NTM: variants seen among roughly 807,000 people sequenced by gnomAD.
NTM encodes IgLON family member 2.
A neutral mutation model predicts 42.1 loss-of-function variants in NTM; 13 were observed. That is an observed-to-expected ratio of 0.31 (90% CI 0.20 to 0.49). NTM has a LOEUF of 0.49. Among genes scored for constraint, NTM ranks in the 20% least tolerant of loss-of-function variants. The pLI is 0.99. For missense variants in NTM, 373 were observed against 452.8 expected (o/e 0.82, Z 1.60); for synonymous variants, 187 against 179.2 (o/e 1.04, Z -0.35).
At chr11:132,110,260 C>T (rs574547857) in intron 2 of NTM, among the ~76,000 whole-genome samples, 42 of 152,340 alleles carry the variant, frequency 2.8e-4, no homozygotes, top group African/African-American at 1.0e-3. Context: ...ATTTGCTGAA[C>T]AAATGAATGA....
At chr11:131,972,065 T>TAAAAAAAAAAAAAAA (rs2063635787) in intron 2 of NTM, among the ~76,000 whole-genome samples, 1 of 57,954 alleles carries the variant, frequency 1.7e-5, no homozygotes, top group Non-Finnish European at 3.8e-5. Flanking sequence ...AAAAAAAAAT[T>TAAAAAAAAAAAAAAA]AGCCAGGTGT....
At chr11:131,934,959 A>G (rs2059049566) in intron 2 of NTM, among the ~76,000 whole-genome samples, 1 of 152,180 alleles carries the variant, frequency 6.6e-6, no homozygotes, top group Non-Finnish European at 1.5e-5. Context: ...TCTGGGTGAC[A>G]ACAGGACGCT....
chr11:131,439,218 C>T (rs1170884527), intron 1 of NTM, among the ~76,000 whole-genome samples: 2 of 152,156 alleles, frequency 1.3e-5, no homozygotes, highest in African/African-American at 2.4e-5. Flanking sequence ...AGGTGTCAGT[C>T]GGCCCCTACT....
chr11:131,780,360 TG>T (rs557341432), intron 1 of NTM, among the ~76,000 whole-genome samples: 240 of 152,232 alleles, frequency 1.6e-3, no homozygotes, highest in Admixed American at 0.013. Flanking sequence ...TGAGGGACAA[TG>T]GCTTATTTAA....
intron 2 of NTM, among the ~76,000 whole-genome samples, chr11:132,144,828 G>T (rs987863089): frequency 6.6e-6 from 1 of 152,166 alleles, no homozygotes; most frequent in African/African-American, 2.4e-5. Flanking sequence ...AAACTTGTTG[G>T]ACACCTGTGC....
intron 3 of NTM, among the ~76,000 whole-genome samples, chr11:132,154,388 C>T (rs2072690046): frequency 6.6e-6 from 1 of 152,180 alleles, no homozygotes; most frequent in Non-Finnish European, 1.5e-5. Flanking sequence ...TGGTTCTATG[C>T]TTCTTGCATG....
At chr11:131,442,985 T>C (rs891536449) in intron 1 of NTM, among the ~76,000 whole-genome samples, 8 of 152,140 alleles carry the variant, frequency 5.3e-5, no homozygotes, top group Non-Finnish European at 1.0e-4. Flanking sequence ...TCTTTTCCTT[T>C]GGTAGATGCC....
At chr11:131,910,659 C>T (rs2054675171) in intron 1 of NTM, among the ~76,000 whole-genome samples, 2 of 150,314 alleles carry the variant, frequency 1.3e-5, no homozygotes, top group African/African-American at 2.4e-5. Context: ...CGGGGGCGGC[C>T]GCTGAGCTTG....
At chr11:132,044,145 TGC>T (rs1311176927) in intron 2 of NTM, among the ~76,000 whole-genome samples, 55,172 of 129,004 alleles carry the variant, frequency 0.43, 12,925 homozygotes, top group East Asian at 0.76. Context: ...TGTGTGTATG[TGC>T]GTGTGTGTGT....
At chr11:132,130,409 C>G (rs2066607475) in intron 2 of NTM, among the ~76,000 whole-genome samples, 1 of 151,840 alleles carries the variant, frequency 6.6e-6, no homozygotes. Flanking sequence ...TTTTTAATTC[C>G]CGTGATAATT....
Position 132,298,772 on chromosome 11 carries a change from G to A in NTM, c.527-8917G>A, listed in dbSNP as rs149012111. 5.4e-3 allele frequency among the ~76,000 whole-genome samples: 828 copies of A among 152,190 alleles called. 8 individuals carry two copies. The highest frequency in any genetic ancestry group is 9.4e-3 in the Non-Finnish European group (637 of 68,016). ...ATAAAATGTTATAGTTGATATATGC[G>A]TAGCTATGCATATTCAACCATATAC... is the stretch of plus-strand genomic sequence containing the variant. On this transcript the variant is annotated intron_variant, in intron 4 of 8. Transcript: ENST00000683400.
At chr11:131,984,061 A>C (rs961240218) in intron 2 of NTM, among the ~76,000 whole-genome samples, 1 of 152,248 alleles carries the variant, frequency 6.6e-6, no homozygotes, top group African/African-American at 2.4e-5. Context: ...AAATAGACAC[A>C]GATTTTGGTG....
chr11:132,322,004 G>T (rs1033518579), intron 7 of NTM, among the ~76,000 whole-genome samples: 1 of 151,566 alleles, frequency 6.6e-6, no homozygotes. Flanking sequence ...CACCAGGCCT[G>T]CCCTAAAAGA....
chr11:131,403,446 T>C (rs2135702997), intron 1 of NTM, among the ~76,000 whole-genome samples: 1 of 152,118 alleles, frequency 6.6e-6, no homozygotes, highest in South Asian at 2.1e-4. Flanking sequence ...CAAGTCTGCT[T>C]GACACCACCT....
intron 1 of NTM, among the ~76,000 whole-genome samples, chr11:131,510,657 A>G (rs537885050): frequency 1.1e-4 from 17 of 152,342 alleles, no homozygotes; most frequent in South Asian, 2.1e-4. Flanking sequence ...CTTTTATTTT[A>G]TGACCACTAG....
chr11:131,723,862 C>A (rs1565469597), intron 1 of NTM, among the ~76,000 whole-genome samples: 1 of 151,614 alleles, frequency 6.6e-6, no homozygotes, highest in African/African-American at 2.4e-5. Context: ...GAGAGACAGA[C>A]AAGAGGAGAG....
intron 8 of NTM, chr11:132,332,245 C>T (rs1008793026): frequency 6.6e-6 from 1 of 152,402 alleles, no homozygotes; most frequent in African/African-American, 2.4e-5. Context: ...TTTCCTTCTC[C>T]TTCTGTCCAA....
rs543928955 is a variant in NTM, at chr11:132,317,175, G to C, written c.934+2472G>C. Among the ~76,000 whole-genome samples, 21 of 152,280 alleles carry C rather than the reference G, an allele frequency of 1.4e-4. No individual in the cohort carries two copies. In the South Asian group the frequency reaches 4.1e-3, roughly 30 times the overall value. ...CGCTAAGGTGACAGGGCTTGCAGGG[G>C]CCTCTGAGAGTTCTGCTCCCGCACT... On this transcript the variant is annotated intron_variant, in intron 7 of 8. Coordinates refer to ENST00000683400, the MANE Select transcript of NTM (RefSeq NM_001352005.2).
intron 1 of NTM, among the ~76,000 whole-genome samples, chr11:131,764,196 T>C (rs1945713290): frequency 6.6e-6 from 1 of 152,196 alleles, no homozygotes; most frequent in African/African-American, 2.4e-5. Flanking sequence ...CTTTAATAGA[T>C]TTCTTCCCAA....
Sources: gnomAD v4.1 joint callset for allele counts (sites outside exome capture counted in the v4.1 genomes callset) on GRCh38, gnomAD v4.1.1 for gene constraint, MANE v1.5 for transcripts, NCBI Gene and HGNC (gene_info 2026-07-23, HGNC 2026-07-21) for gene names.